The following FOXJ3 variants were observed in gnomAD, a reference collection of about 807,000 sequenced individuals.
The protein encoded by FOXJ3 is forkhead box protein J3.
In FOXJ3, 22 loss-of-function variants were observed where a neutral mutation model predicts 76.1. That is an observed-to-expected ratio of 0.29 (90% CI 0.21 to 0.41). The LOEUF (loss-of-function observed/expected upper bound fraction) is 0.41. Ranked by LOEUF, FOXJ3 falls within the 10% of genes least tolerant of loss-of-function variation. The pLI, the probability that FOXJ3 is intolerant of heterozygous loss-of-function variation, is 1.00. For synonymous variants in FOXJ3, 269 were observed against 261.2 expected (o/e 1.03, Z -0.29); for missense variants, 613 against 762.1 (o/e 0.80, Z 2.30).
chr1:42,308,363 G>T (rs998962825), intron 2 of FOXJ3, among the ~76,000 whole-genome samples: 8 of 152,196 alleles, frequency 5.3e-5, no homozygotes, highest in African/African-American at 1.9e-4. Flanking sequence ...AAGACTCTAT[G>T]GGAAAGTAGA....
intron 5 of FOXJ3, among the ~76,000 whole-genome samples, chr1:42,225,567 T>C (rs1182321393): frequency 2.0e-5 from 3 of 152,216 alleles, no homozygotes; most frequent in African/African-American, 7.2e-5. Flanking sequence ...GCTAATCTCT[T>C]TGTATGCTCC....
At chr1:42,205,896 G>T in intron 5 of FOXJ3, 33 bp from the exon 6 acceptor site, 1 of 1,269,368 alleles carries the variant, frequency 7.9e-7, no homozygotes, top group Non-Finnish European at 1.1e-6. Flanking sequence ...ATAATTATTA[G>T]CTCATATATC....
chr1:42,223,505 T>G (rs772354534), intron 5 of FOXJ3, among the ~76,000 whole-genome samples: 1 of 152,210 alleles, frequency 6.6e-6, no homozygotes. Flanking sequence ...TACCTACTAG[T>G]CAATCATGCA....
chr1:42,331,297 G>A (rs1203652124), intron 1 of FOXJ3, among the ~76,000 whole-genome samples: 8 of 151,958 alleles, frequency 5.3e-5, no homozygotes, highest in African/African-American at 7.3e-5. Flanking sequence ...TGGGAGAATC[G>A]CTTGAACCTG....
intron 1 of FOXJ3, among the ~76,000 whole-genome samples, chr1:42,312,692 T>C (rs901048110): frequency 6.6e-6 from 1 of 152,228 alleles, no homozygotes; most frequent in Non-Finnish European, 1.5e-5. Context: ...GTACTGACAA[T>C]AGCTTTCCTT....
chr1:42,194,530 C>T (rs547945371), intron 8 of FOXJ3, among the ~76,000 whole-genome samples: 2 of 152,210 alleles, frequency 1.3e-5, no homozygotes, highest in Non-Finnish European at 2.9e-5. Context: ...AAAAGCAAGG[C>T]ACATCTATTC....
intron 11 of FOXJ3, among the ~76,000 whole-genome samples, chr1:42,185,052 T>C (rs906223567): frequency 2.0e-5 from 3 of 152,092 alleles, no homozygotes; most frequent in Admixed American, 1.3e-4. Context: ...CTGAGAAAGA[T>C]GGAGGGTTTT....
At chr1:42,313,337 CAA>C (rs35058575) in intron 1 of FOXJ3, among the ~76,000 whole-genome samples, 13 of 93,868 alleles carry the variant, frequency 1.4e-4, no homozygotes, top group Non-Finnish European at 1.1e-4. Flanking sequence ...AATTCCGTCT[CAA>C]AAAAAAAAAA....
intron 4 of FOXJ3, among the ~76,000 whole-genome samples, chr1:42,229,933 T>C (rs1647929466): frequency 6.6e-6 from 1 of 152,216 alleles, no homozygotes; most frequent in African/African-American, 2.4e-5. Flanking sequence ...TGTGTATATG[T>C]GTATTAATCT....
rs535724358 is a variant in FOXJ3 at position 42,198,249 on chromosome 1, A to T, written c.759+853T>A. Among the ~76,000 whole-genome samples, 7 of 151,026 alleles carry T rather than the reference A, an allele frequency of 4.6e-5. No homozygotes were observed. The South Asian group carries it at 1.0e-3, about 23-fold the overall frequency. On this transcript the variant is annotated intron_variant, in intron 7 of 12. Coordinates refer to ENST00000361346, the MANE Select transcript of FOXJ3 (RefSeq NM_014947.5). ...CTTCTCCATTGTGGGATAATACTTT[A>T]TTTTTTTTTACAGAGCAATAATAAT...
intron 1 of FOXJ3, chr1:42,315,321 G>T: frequency 3.5e-6 from 2 of 569,408 alleles, no homozygotes; most frequent in Non-Finnish European, 4.4e-6. Context: ...TTAAAATGGT[G>T]AACTTCACAG....
chr1:42,281,224 A>G (rs1652684873), intron 2 of FOXJ3, among the ~76,000 whole-genome samples: 1 of 152,196 alleles, frequency 6.6e-6, no homozygotes, highest in African/African-American at 2.4e-5. Flanking sequence ...AAATAAAAAT[A>G]CACACATACC....
chr1:42,315,633 A>C (rs1655060558), intron 1 of FOXJ3, among the ~76,000 whole-genome samples: 1 of 152,228 alleles, frequency 6.6e-6, no homozygotes, highest in Non-Finnish European at 1.5e-5. Flanking sequence ...TGTTGACTGA[A>C]AGAACAAACA....
chr1:42,224,721 T>C (rs944074798), intron 5 of FOXJ3, among the ~76,000 whole-genome samples: 28 of 152,090 alleles, frequency 1.8e-4, no homozygotes, highest in African/African-American at 6.7e-4. Context: ...ACTGTCAAGC[T>C]TTATCTTCCG....
At chr1:42,244,662 AAAAG>A (rs1331437393) in intron 4 of FOXJ3, among the ~76,000 whole-genome samples, 1 of 152,048 alleles carries the variant, frequency 6.6e-6, no homozygotes, top group South Asian at 2.1e-4. Context: ...AAGAAAAAAA[AAAAG>A]AGAGAAGACC....
chr1:42,266,507 AAG>A (rs1651474481), intron 3 of FOXJ3, among the ~76,000 whole-genome samples: 1 of 152,160 alleles, frequency 6.6e-6, no homozygotes, highest in Non-Finnish European at 1.5e-5. Context: ...GCACAGGAAA[AAG>A]AGATGGCCAC....
At chr1:42,186,682 C>A (rs1337387630) in intron 11 of FOXJ3, among the ~76,000 whole-genome samples, 3 of 152,150 alleles carry the variant, frequency 2.0e-5, no homozygotes, top group Non-Finnish European at 4.4e-5. Flanking sequence ...CCTGGGTACT[C>A]TGACAGAGGA....
intron 5 of FOXJ3, among the ~76,000 whole-genome samples, chr1:42,225,735 T>C (rs1399762394): frequency 1.3e-5 from 2 of 152,136 alleles, no homozygotes; most frequent in Non-Finnish European, 2.9e-5. Flanking sequence ...CAAAAAGCAG[T>C]AGAAAATGAA....
chr1:42,296,439 T>C (rs1653791656), intron 2 of FOXJ3, among the ~76,000 whole-genome samples: 1 of 152,234 alleles, frequency 6.6e-6, no homozygotes, highest in African/African-American at 2.4e-5. Context: ...AGGTCTTATG[T>C]TCAAGTCTTT....
Sources: gnomAD v4.1 joint callset for allele counts (sites outside exome capture counted in the v4.1 genomes callset) on GRCh38, gnomAD v4.1.1 for gene constraint, MANE v1.5 for transcripts, NCBI Gene and HGNC (gene_info 2026-07-23, HGNC 2026-07-21) for gene names.